CWC27: variants seen among roughly 807,000 people sequenced by gnomAD.
CWC27 encodes the protein spliceosome-associated protein CWC27 homolog.
CWC27 carries 47 observed loss-of-function variants against 63.6 expected under a neutral mutation model. The observed-to-expected ratio is 0.74, with a 90% CI of 0.58 to 0.94. CWC27 has a LOEUF of 0.94. Ranked by LOEUF, CWC27 falls within the 40% of genes least tolerant of loss-of-function variation. The pLI, the probability that CWC27 is intolerant of heterozygous loss-of-function variation, is 0.00. For synonymous variants in CWC27, 175 were observed against 179.8 expected (o/e 0.97, Z 0.22); for missense variants, 495 against 554.3 (o/e 0.89, Z 1.07).
chr5:64,780,703 A>ACG (rs1419637626), intron 2 of CWC27, among the ~76,000 whole-genome samples: 3 of 150,766 alleles, frequency 2.0e-5, no homozygotes, highest in Admixed American at 6.6e-5. Flanking sequence ...ACGCGCGCAC[A>ACG]CACACACACA....
intron 11 of CWC27, among the ~76,000 whole-genome samples, chr5:64,901,180 T>C (rs149604327): frequency 6.6e-6 from 1 of 152,268 alleles, no homozygotes; most frequent in African/African-American, 2.4e-5. Flanking sequence ...GCGATTGTAA[T>C]ACACAGGTAA....
intron 10 of CWC27, among the ~76,000 whole-genome samples, chr5:64,847,001 AAAAAAAAAAAG>A (rs1391459042): frequency 6.6e-6 from 1 of 151,432 alleles, no homozygotes; most frequent in African/African-American, 2.4e-5. Flanking sequence ...CTCAAAAAAA[AAAAAAAAAAAG>A]AAAAAGGAAA....
At chr5:64,865,580 A>G (rs1031153783) in intron 10 of CWC27, among the ~76,000 whole-genome samples, 3 of 152,012 alleles carry the variant, frequency 2.0e-5, no homozygotes, top group Admixed American at 6.6e-5. Flanking sequence ...AAATGATTGA[A>G]TCATTGGTTA....
At chr5:64,994,202 A>G (rs1365389097) in intron 13 of CWC27, among the ~76,000 whole-genome samples, 1 of 152,156 alleles carries the variant, frequency 6.6e-6, no homozygotes, top group Non-Finnish European at 1.5e-5. Flanking sequence ...ACATTAATAT[A>G]TAGATGCTTT....
intron 2 of CWC27, among the ~76,000 whole-genome samples, chr5:64,778,749 A>C (rs1292567742): frequency 6.6e-6 from 1 of 152,150 alleles, no homozygotes; most frequent in African/African-American, 2.4e-5. Context: ...GTTACCTAGG[A>C]ATATAGGAGA....
intron 11 of CWC27, among the ~76,000 whole-genome samples, chr5:64,938,920 T>G (rs574612521): frequency 8.5e-5 from 13 of 152,220 alleles, no homozygotes; most frequent in Non-Finnish European, 1.6e-4. Flanking sequence ...TTGTGTATGC[T>G]TCATGAAGTT....
chr5:64,976,069 AAAAAAT>A (rs1749223595), intron 12 of CWC27, among the ~76,000 whole-genome samples: 1 of 152,198 alleles, frequency 6.6e-6, no homozygotes, highest in Non-Finnish European at 1.5e-5. Flanking sequence ...CTCTGTCTCA[AAAAAAT>A]AAAAATAAAA....
intron 10 of CWC27, among the ~76,000 whole-genome samples, chr5:64,835,273 A>G (rs1004972223): frequency 6.6e-6 from 1 of 151,770 alleles, no homozygotes; most frequent in Non-Finnish European, 1.5e-5. Flanking sequence ...GTTTTCAAAA[A>G]TTTACTGAAT....
intron 11 of CWC27, among the ~76,000 whole-genome samples, chr5:64,911,664 T>C (rs923785878): frequency 1.3e-5 from 2 of 152,120 alleles, no homozygotes; most frequent in Non-Finnish European, 2.9e-5. Flanking sequence ...CAGTCTCTTG[T>C]TGAGAAGAGG....
chr5:64,952,793 G>A (rs1361064481), intron 11 of CWC27, among the ~76,000 whole-genome samples: 2 of 152,116 alleles, frequency 1.3e-5, no homozygotes, highest in African/African-American at 4.8e-5. Flanking sequence ...CTTACAGTTT[G>A]TGCTCCTTTC....
intron 10 of CWC27, among the ~76,000 whole-genome samples, chr5:64,863,500 CTTG>C (rs1746462400): frequency 6.6e-6 from 1 of 151,892 alleles, no homozygotes; most frequent in Admixed American, 6.6e-5. Flanking sequence ...CTCCCCTCCT[CTTG>C]TTCTTCTTTA....
chr5:64,771,835 A>T (rs192071090), intron 1 of CWC27, among the ~76,000 whole-genome samples: 34 of 152,328 alleles, frequency 2.2e-4, no homozygotes, highest in African/African-American at 8.2e-4. Context: ...TTATTAATTC[A>T]GTAGCTTATT....
At chr5:64,938,430 G>T (rs1434611559) in intron 11 of CWC27, among the ~76,000 whole-genome samples, 1 of 152,058 alleles carries the variant, frequency 6.6e-6, no homozygotes, top group Non-Finnish European at 1.5e-5. Context: ...TTGAATATTG[G>T]CCCCCACTCT....
intron 10 of CWC27, among the ~76,000 whole-genome samples, chr5:64,825,979 A>G (rs930682351): frequency 1.2e-4 from 19 of 152,178 alleles, no homozygotes; most frequent in Non-Finnish European, 2.2e-4. Flanking sequence ...TCATGCCCAA[A>G]AGTTCCAGCA....
intron 13 of CWC27, among the ~76,000 whole-genome samples, chr5:64,978,055 C>G (rs928440425): frequency 3.3e-5 from 5 of 152,174 alleles, no homozygotes; most frequent in Non-Finnish European, 5.9e-5. Flanking sequence ...CCTCGGTTCT[C>G]TCTGCCAAAC....
chr5:64,880,073 A>G (rs1746900121), intron 10 of CWC27, among the ~76,000 whole-genome samples: 1 of 151,928 alleles, frequency 6.6e-6, no homozygotes, highest in East Asian at 1.9e-4. Flanking sequence ...CTTATCACTT[A>G]TCTTTCACAT....
chr5:64,991,557 T>C (rs921933795), intron 13 of CWC27, among the ~76,000 whole-genome samples: 1 of 152,144 alleles, frequency 6.6e-6, no homozygotes, highest in Non-Finnish European at 1.5e-5. Context: ...ACACACCATC[T>C]CTACAAAACA....
chr5:64,777,203 T>C (rs1406933211), intron 2 of CWC27, among the ~76,000 whole-genome samples: 1 of 152,132 alleles, frequency 6.6e-6, no homozygotes, highest in Non-Finnish European at 1.5e-5. Context: ...TCACCTTTAT[T>C]TCACATCATT....
chr5:64,951,169 A>G (rs539760677), intron 11 of CWC27, among the ~76,000 whole-genome samples: 2 of 152,038 alleles, frequency 1.3e-5, no homozygotes, highest in South Asian at 2.1e-4. Flanking sequence ...CAAAGTGGCT[A>G]TATCACTTTG....
Sources: gnomAD v4.1 joint callset for allele counts (sites outside exome capture counted in the v4.1 genomes callset) on GRCh38, gnomAD v4.1.1 for gene constraint, MANE v1.5 for transcripts, NCBI Gene and HGNC (gene_info 2026-07-23, HGNC 2026-07-21) for gene names.